NLRC4: variants seen among roughly 807,000 people sequenced by gnomAD.
NLRC4 encodes NLR family CARD domain containing 4, also known as NLR family CARD domain-containing protein 4.
A neutral mutation model predicts 79.9 loss-of-function variants in NLRC4; 63 were observed. The ratio of observed to expected loss-of-function variants is 0.79; its 90% CI spans 0.64 to 0.97. NLRC4 has a LOEUF of 0.97. Ranked by LOEUF, NLRC4 falls within the 50% of genes least tolerant of loss-of-function variation. The pLI, the probability that NLRC4 is intolerant of heterozygous loss-of-function variation, is 0.00. For missense variants in NLRC4, 1,074 were observed against 1,215.2 expected, an observed-to-expected ratio of 0.88 and a Z score of 1.73; for synonymous variants, 461 against 456.5, an observed-to-expected ratio of 1.01 and a Z score of -0.12.
At chr2:32,253,023 A>C (rs903763601) in intron 2 of NLRC4, among the ~76,000 whole-genome samples, 2 of 152,154 alleles carry the variant, frequency 1.3e-5, no homozygotes, top group African/African-American at 4.8e-5. Context: ...GTCTAAAAAA[A>C]AAAAATTAAA....
At chr2:32,237,666 G>A (rs1285967020) in intron 6 of NLRC4, among the ~76,000 whole-genome samples, 3 of 152,174 alleles carry the variant, frequency 2.0e-5, no homozygotes, top group Non-Finnish European at 4.4e-5. Context: ...TAGTTGATAT[G>A]CATCCCTTTG....
At chr2:32,257,745 C>T (rs1340701690) in intron 1 of NLRC4, among the ~76,000 whole-genome samples, 2 of 151,916 alleles carry the variant, frequency 1.3e-5, no homozygotes, top group Admixed American at 6.6e-5. Flanking sequence ...GAAAAGTTCT[C>T]TTGTCCCCTT....
intron 1 of NLRC4, among the ~76,000 whole-genome samples, chr2:32,259,981 C>G (rs1239792847): frequency 6.6e-6 from 1 of 152,084 alleles, no homozygotes; most frequent in Non-Finnish European, 1.5e-5. Flanking sequence ...GTAATCCCAG[C>G]ATATTGGGAG....
At chr2:32,260,599 A>G (rs1339039468) in intron 1 of NLRC4, among the ~76,000 whole-genome samples, 1 of 152,228 alleles carries the variant, frequency 6.6e-6, no homozygotes, top group Non-Finnish European at 1.5e-5. Flanking sequence ...ATCAAGCTGC[A>G]AGTATAGATA....
At chr2:32,240,998 T>C in intron 5 of NLRC4, 35 bp downstream of exon 5, 1 of 1,317,030 alleles carries the variant, frequency 7.6e-7, no homozygotes, top group Non-Finnish European at 1.1e-6. Context: ...ATTATCAAAC[T>C]TACATTGATA....
At chr2:32,253,582 T>G (rs1313190230) in intron 2 of NLRC4, among the ~76,000 whole-genome samples, 1 of 152,172 alleles carries the variant, frequency 6.6e-6, no homozygotes, top group Non-Finnish European at 1.5e-5. Context: ...ACCGTTGGCT[T>G]TAGAATAATG....
At chr2:32,254,679 C>T (rs1226173448) in intron 2 of NLRC4, among the ~76,000 whole-genome samples, 2 of 143,098 alleles carry the variant, frequency 1.4e-5, no homozygotes, top group Non-Finnish European at 3.0e-5. Context: ...AGTGCAATGG[C>T]GCGATCTCAG....
intron 2 of NLRC4, among the ~76,000 whole-genome samples, chr2:32,254,080 C>T (rs1687149388): frequency 6.6e-6 from 1 of 151,746 alleles, no homozygotes; most frequent in South Asian, 2.1e-4. Context: ...TATAAATATT[C>T]CTACCATGGC....
At chr2:32,225,491 C>A (rs1422791178) in intron 8 of NLRC4, among the ~76,000 whole-genome samples, 1 of 151,666 alleles carries the variant, frequency 6.6e-6, no homozygotes, top group Admixed American at 6.6e-5. Flanking sequence ...TCCCATGTTA[C>A]CAGTTTAGGT....
chr2:32,232,459 A>G (rs1686560491), intron 8 of NLRC4, among the ~76,000 whole-genome samples: 3 of 152,146 alleles, frequency 2.0e-5, no homozygotes, highest in African/African-American at 7.2e-5. Context: ...CACCCCATCT[A>G]CTATATTTCA....
intron 2 of NLRC4, among the ~76,000 whole-genome samples, chr2:32,256,460 G>GATCT (rs1223169043): frequency 2.6e-5 from 4 of 152,156 alleles, no homozygotes; most frequent in Admixed American, 2.0e-4. Flanking sequence ...TTGCCACTTA[G>GATCT]ATCTATACCA....
intron 8 of NLRC4, among the ~76,000 whole-genome samples, chr2:32,227,418 C>G (rs916256925): frequency 6.6e-6 from 1 of 152,200 alleles, no homozygotes; most frequent in Admixed American, 6.5e-5. Context: ...TCCCTGCTCT[C>G]TCTTCCATCT....
intron 5 of NLRC4, among the ~76,000 whole-genome samples, 186 bp downstream of exon 5, chr2:32,240,847 C>T (rs1051356152): frequency 1.3e-5 from 2 of 152,244 alleles, no homozygotes; most frequent in Non-Finnish European, 2.9e-5. Flanking sequence ...TGGTGTTGTA[C>T]AATTTGAATA....
At chr2:32,224,786 ATTAG>A in intron 8 of NLRC4, 21 bp from the exon 9 acceptor site, 1 of 1,404,600 alleles carries the variant, frequency 7.1e-7, no homozygotes. Flanking sequence ...AAATAAGTAT[ATTAG>A]TTGGAAGAAA....
intron 8 of NLRC4, among the ~76,000 whole-genome samples, chr2:32,230,323 G>A (rs1207038987): frequency 6.6e-6 from 1 of 152,150 alleles, no homozygotes; most frequent in African/African-American, 2.4e-5. Flanking sequence ...AAGAGAGATT[G>A]TGTTTATTCA....
intron 2 of NLRC4, among the ~76,000 whole-genome samples, chr2:32,255,919 C>G (rs991011383): frequency 1.3e-5 from 2 of 151,874 alleles, no homozygotes; most frequent in African/African-American, 4.8e-5. Flanking sequence ...GAGGCTGAGG[C>G]AGAAGCATCG....
At chr2:32,226,232 G>A (rs952374603) in intron 8 of NLRC4, among the ~76,000 whole-genome samples, 2 of 152,198 alleles carry the variant, frequency 1.3e-5, no homozygotes, top group African/African-American at 4.8e-5. Flanking sequence ...CAGTAAAGGT[G>A]TTTACCAGCT....
chr2:32,255,917 G>C (rs1687197386), intron 2 of NLRC4, among the ~76,000 whole-genome samples: 1 of 151,990 alleles, frequency 6.6e-6, no homozygotes, highest in African/African-American at 2.4e-5. Context: ...AGGAGGCTGA[G>C]GCAGAAGCAT....
At chr2:32,262,705 G>A (rs428002) in intron 1 of NLRC4, among the ~76,000 whole-genome samples, 88,536 of 151,408 alleles carry the variant, frequency 0.58, 26,159 homozygotes, top group African/African-American at 0.61. Flanking sequence ...GAACCCAGGA[G>A]GTGGAGGTTT....
Sources: allele counts gnomAD v4.1 joint callset (sites outside exome capture counted in the v4.1 genomes callset), GRCh38; gene constraint gnomAD v4.1.1; transcripts MANE v1.5; gene names NCBI Gene and HGNC (gene_info 2026-07-23, HGNC 2026-07-21).